The following ATP9B variants were observed in gnomAD, a reference collection of about 807,000 sequenced individuals.
The protein encoded by ATP9B is probable phospholipid-transporting ATPase IIB.
ATP9B carries 110 observed loss-of-function variants against 146.1 expected under a neutral mutation model. That is an observed-to-expected ratio of 0.75 (90% CI 0.65 to 0.88). ATP9B has a LOEUF of 0.88. ATP9B is among the 40% of genes least tolerant of loss of function. The probability of loss-of-function intolerance (pLI) is 0.00; values close to 1 mark genes in which losing one functional copy is unlikely to be tolerated. For missense variants in ATP9B, 1,499 were observed against 1,496.4 expected, an observed-to-expected ratio of 1.00 and a Z score of -0.03; for synonymous variants, 604 against 569.7, an observed-to-expected ratio of 1.06 and a Z score of -0.86.
At chr18:79,199,005 G>A (rs1600386798) in intron 9 of ATP9B, among the ~76,000 whole-genome samples, 2 of 151,824 alleles carry the variant, frequency 1.3e-5, no homozygotes, top group African/African-American at 4.8e-5. Context: ...AGGATGGAGT[G>A]CAGTGGCGCA....
intron 9 of ATP9B, among the ~76,000 whole-genome samples, chr18:79,200,526 C>T (rs145445252): frequency 5.8e-4 from 88 of 151,912 alleles, no homozygotes; most frequent in African/African-American, 2.1e-3. Flanking sequence ...CCAGTGCACA[C>T]AGAACATTTA....
chr18:79,172,168 C>T (rs957032682), intron 7 of ATP9B, among the ~76,000 whole-genome samples: 2 of 149,620 alleles, frequency 1.3e-5, no homozygotes, highest in Non-Finnish European at 3.0e-5. Flanking sequence ...CTGCCTTGGC[C>T]TCCCAAGGTG....
intron 1 of ATP9B, among the ~76,000 whole-genome samples, chr18:79,084,555 A>C (rs540305601): frequency 7.9e-5 from 12 of 152,112 alleles, no homozygotes; most frequent in Non-Finnish European, 1.8e-4. Flanking sequence ...AAAAAAATGT[A>C]AGCGTATTGT....
At chr18:79,297,264 A>C (rs992027850) in intron 13 of ATP9B, among the ~76,000 whole-genome samples, 1 of 149,090 alleles carries the variant, frequency 6.7e-6, no homozygotes, top group Non-Finnish European at 1.5e-5. Context: ...CCCAGAGAGA[A>C]GACAGAGAGA....
chr18:79,348,159 G>T lies in ATP9B; in HGVS notation c.2866G>T (p.Ala956Ser). The change falls in exon 25 of 30, where the codon GCA becomes TCA. Residue 956 changes from alanine (A) to serine (S), a missense_variant. By Grantham distance (99) the Ala-to-Ser change is moderately conservative. Coordinates refer to ENST00000426216, the MANE Select transcript of ATP9B (RefSeq NM_198531.5). The part of the protein sequence containing the change: ...QAVFSSVFYF[A>S]SVPLYQGFLM... ...TGTGTTTTCCTCAGTCTTCTACTTC[G>T]CATCCGTCCCTTTGTATCAGGGCTT... The T allele has an allele frequency of 1.9e-6, 3 of 1,609,390 alleles. No homozygotes were observed. Among genetic ancestry groups the T allele is most frequent in the Non-Finnish European group, 1.7e-6 (2 of 1,178,710 alleles).
chr18:79,210,681 C>T (rs371121854), intron 10 of ATP9B, among the ~76,000 whole-genome samples: 7 of 152,290 alleles, frequency 4.6e-5, no homozygotes, highest in African/African-American at 9.6e-5. Context: ...GGGTCCAGCC[C>T]GGGAGCGCCT....
intron 9 of ATP9B, among the ~76,000 whole-genome samples, chr18:79,204,163 ACAAAAGG>A (rs780065178): frequency 1.6e-4 from 25 of 152,240 alleles, no homozygotes; most frequent in Non-Finnish European, 3.2e-4. Flanking sequence ...AACAAAGTAA[ACAAAAGG>A]CAGTTTCCAT....
At chr18:79,170,077 CTG>C (rs1162381664) in intron 7 of ATP9B, among the ~76,000 whole-genome samples, 1 of 152,204 alleles carries the variant, frequency 6.6e-6, no homozygotes, top group Non-Finnish European at 1.5e-5. Context: ...TGAGCTCAGA[CTG>C]TCTCTTGCTC....
intron 27 of ATP9B, among the ~76,000 whole-genome samples, 161 bp from the exon 28 acceptor site, chr18:79,373,737 C>T (rs1205621493): frequency 6.6e-6 from 1 of 152,174 alleles, no homozygotes; most frequent in Non-Finnish European, 1.5e-5. Flanking sequence ...GATCCACCCG[C>T]CTCAGCCTCC....
rs150079485 is a variant in ATP9B, at chr18:79,377,343, G to A, written c.3404G>A (p.Arg1135His). The change falls in exon 30 of 30, where the codon CGC (arginine) becomes CAC (histidine). Residue 1135 changes from arginine to histidine, a missense_variant. Physicochemically the swap from Arg to His is conservative, Grantham distance 29. Coordinates refer to ENST00000426216, the MANE Select transcript of ATP9B (RefSeq NM_198531.5). ...LPLYVLKYLR[R>H]KLSPPSYCKL... ...CTGTATGTCCTCAAGTACCTGAGGC[G>A]CAAGCTCTCTCCTCCCAGCTACTGC... The A allele has an allele frequency of 3.4e-5, 55 of 1,610,844 alleles. No homozygotes were observed. Among genetic ancestry groups the A allele is most frequent in the Admixed American group, 8.3e-5 (5 of 60,006 alleles).
chr18:79,299,277 G>C (rs1402147206), intron 13 of ATP9B, among the ~76,000 whole-genome samples: 1 of 152,014 alleles, frequency 6.6e-6, no homozygotes, highest in Non-Finnish European at 1.5e-5. Flanking sequence ...TCTCTTGATG[G>C]GACCTAGAGA....
At chr18:79,261,367 A>C (rs2096139615) in intron 12 of ATP9B, among the ~76,000 whole-genome samples, 1 of 152,192 alleles carries the variant, frequency 6.6e-6, no homozygotes, top group Non-Finnish European at 1.5e-5. Flanking sequence ...ATCCTGAATT[A>C]GAGTAGGCCC....
intron 26 of ATP9B, chr18:79,360,242 C>G (rs971165743): frequency 2.0e-5 from 3 of 152,152 alleles, no homozygotes; most frequent in African/African-American, 7.2e-5. Context: ...TGTTTTGAAT[C>G]AACATTGAAA....
At position 79,253,366 on chromosome 18, in the gene ATP9B, G is replaced by A. The variant is rs2096049235; in HGVS notation, c.1108-15G>A. ...TGTGGTTAGCTTGTTCATGTATTAT[G>A]TGTTTTTCTTTCAGGTTGGTTTGTT... On this transcript the variant is annotated splice_polypyrimidine_tract_variant and intron_variant, in intron 11 of 29. Transcript: ENST00000426216. 9.4e-6 allele frequency: 15 copies of A among 1,603,782 alleles called. No individual in the cohort carries two copies. Among genetic ancestry groups the A allele is most frequent in the Non-Finnish European group, 1.2e-5 (14 of 1,176,846 alleles).
intron 15 of ATP9B, among the ~76,000 whole-genome samples, chr18:79,309,916 A>G (rs1045928538): frequency 6.6e-6 from 1 of 152,200 alleles, no homozygotes; most frequent in East Asian, 1.9e-4. Flanking sequence ...ACAAAGACAA[A>G]GCAAATTCAT....
At chr18:79,346,343 G>T (rs188766695) in intron 23 of ATP9B, among the ~76,000 whole-genome samples, 1 of 151,082 alleles carries the variant, frequency 6.6e-6, no homozygotes, top group Non-Finnish European at 1.5e-5. Context: ...CTCAGCACAC[G>T]GTCAGTGCAC....
chr18:79,211,210 C>G (rs2095581282), intron 10 of ATP9B, among the ~76,000 whole-genome samples: 1 of 152,158 alleles, frequency 6.6e-6, no homozygotes, highest in African/African-American at 2.4e-5. Context: ...TATTTTTCTA[C>G]AAAATTTGAC....
At chr18:79,218,462 C>G (rs961922619) in intron 11 of ATP9B, among the ~76,000 whole-genome samples, 2 of 148,378 alleles carry the variant, frequency 1.3e-5, no homozygotes, top group African/African-American at 5.0e-5. Flanking sequence ...GCTGGCAGCT[C>G]CTGCTGGTCA....
At chr18:79,305,305 C>G (rs546281254) in intron 14 of ATP9B, among the ~76,000 whole-genome samples, 36 of 152,316 alleles carry the variant, frequency 2.4e-4, no homozygotes, top group African/African-American at 8.2e-4. Context: ...CCTTCTCTTT[C>G]TTGTATACTT....
Sources: gnomAD v4.1 joint callset for allele counts (sites outside exome capture counted in the v4.1 genomes callset) on GRCh38, gnomAD v4.1.1 for gene constraint, MANE v1.5 for transcripts, NCBI Gene and HGNC (gene_info 2026-07-23, HGNC 2026-07-21) for gene names.